Variants in CCSER2 observed in about 807,000 individuals in gnomAD.
CCSER2 encodes serine-rich coiled-coil domain-containing protein 2.
CCSER2 carries 46 observed loss-of-function variants against 92.3 expected under a neutral mutation model. The observed-to-expected ratio is 0.50, with a 90% CI of 0.39 to 0.64. The LOEUF is 0.64. CCSER2 is among the 30% of genes least tolerant of loss of function. The pLI is 0.00. For synonymous variants in CCSER2, 433 were observed against 431.4 expected, an observed-to-expected ratio of 1.00 and a Z score of -0.04; for missense variants, 1,244 against 1,238.9, an observed-to-expected ratio of 1.00 and a Z score of -0.06.
Position 84,511,436 on chromosome 10 carries a change from T to C in CCSER2, c.2326-2013T>C, listed in dbSNP as rs141539429. ...ATAATCAGTTTATTACCTGTCTTAA[T>C]TGAAAAATCATCTTTTTATGCTTTT... On this transcript the variant is annotated intron_variant, in intron 9 of 9. Transcript: ENST00000372088. 2.5e-3 allele frequency among the ~76,000 whole-genome samples: 385 copies of C among 152,334 alleles called. 2 individuals are homozygous for C. Among genetic ancestry groups the C allele is most frequent in the African/African-American group, 8.5e-3 (353 of 41,568 alleles).
intron 1 of CCSER2, among the ~76,000 whole-genome samples, chr10:84,333,132 A>G (rs1057283969): frequency 3.3e-5 from 5 of 152,170 alleles, no homozygotes; most frequent in African/African-American, 9.7e-5. Flanking sequence ...TATGACAGCA[A>G]TATATTGGTT....
intron 8 of CCSER2, among the ~76,000 whole-genome samples, chr10:84,475,143 T>C (rs1847062160): frequency 6.6e-6 from 1 of 152,182 alleles, no homozygotes; most frequent in Non-Finnish European, 1.5e-5. Context: ...CCCTAGACTT[T>C]CCTGTTTGAT....
At chr10:84,490,690 CT>C (rs1848106703) in intron 9 of CCSER2, among the ~76,000 whole-genome samples, 1 of 152,152 alleles carries the variant, frequency 6.6e-6, no homozygotes, top group Admixed American at 6.5e-5. Flanking sequence ...TTCGAACTTC[CT>C]CCTTTAGTTT....
At chr10:84,438,829 T>C in intron 6 of CCSER2, 122 bp downstream of exon 6, 4 of 624,694 alleles carry the variant, frequency 6.4e-6, no homozygotes, top group Middle Eastern at 3.2e-4. Context: ...TGTAGAATAA[T>C]GCTTGTAAAT....
At chr10:84,429,197 A>T (rs1008757403) in intron 5 of CCSER2, among the ~76,000 whole-genome samples, 8 of 152,046 alleles carry the variant, frequency 5.3e-5, no homozygotes, top group African/African-American at 1.9e-4. Flanking sequence ...AGTATTGACC[A>T]GTGGAGTTAT....
chr10:84,403,516 A>G (rs941314172), intron 3 of CCSER2, among the ~76,000 whole-genome samples: 4 of 152,246 alleles, frequency 2.6e-5, no homozygotes, highest in African/African-American at 9.6e-5. Context: ...TGGGAGAAGA[A>G]CTTTGCAAAC....
At chr10:84,342,376 G>A (rs114636413) in intron 1 of CCSER2, among the ~76,000 whole-genome samples, 7,038 of 152,076 alleles carry the variant, frequency 0.046, 236 homozygotes, top group Non-Finnish European at 0.062. Context: ...AATCTCTTTC[G>A]GGTCCTCATT....
intron 3 of CCSER2, among the ~76,000 whole-genome samples, chr10:84,398,866 CT>C (rs1487103293): frequency 1.3e-5 from 2 of 151,936 alleles, no homozygotes. Flanking sequence ...GTTCTGTTTT[CT>C]TGGTCTGGGA....
At chr10:84,461,119 G>C (rs965382029) in intron 6 of CCSER2, among the ~76,000 whole-genome samples, 1 of 151,986 alleles carries the variant, frequency 6.6e-6, no homozygotes, top group Non-Finnish European at 1.5e-5. Context: ...TTGGTATGTG[G>C]TGTCTGTTAT....
At chr10:84,393,186 G>A (rs575045903) in intron 3 of CCSER2, among the ~76,000 whole-genome samples, 9 of 152,180 alleles carry the variant, frequency 5.9e-5, no homozygotes, top group African/African-American at 9.6e-5. Context: ...GGATCTGTTA[G>A]GAATAAGATT....
chr10:84,370,390 A>G (rs1845999627), intron 1 of CCSER2, among the ~76,000 whole-genome samples: 1 of 151,816 alleles, frequency 6.6e-6, no homozygotes, highest in African/African-American at 2.4e-5. Flanking sequence ...ATTTTTTTGC[A>G]GCTATGGTCA....
chr10:84,402,155 G>A (rs918380973), intron 3 of CCSER2, among the ~76,000 whole-genome samples: 1 of 151,998 alleles, frequency 6.6e-6, no homozygotes, highest in Non-Finnish European at 1.5e-5. Flanking sequence ...TTAAATTTTC[G>A]CATTGTGTGT....
At chr10:84,392,597 GAACT>G (rs1841587976) in intron 3 of CCSER2, among the ~76,000 whole-genome samples, 1 of 151,864 alleles carries the variant, frequency 6.6e-6, no homozygotes, top group Admixed American at 6.6e-5. Context: ...TGCACAAACA[GAACT>G]AATATAGTTA....
intron 6 of CCSER2, among the ~76,000 whole-genome samples, chr10:84,457,523 TA>T (rs1373540539): frequency 8.4e-6 from 1 of 119,076 alleles, no homozygotes; most frequent in Admixed American, 1.1e-4. Context: ...TATTTATATA[TA>T]ATATATGTAT....
rs569550411 is a variant in CCSER2, at chr10:84,480,362, T to G, written c.2325+2698T>G. ...TAAATTACTGAGAAAAAAGTATTTT[T>G]GGTTGAAAAGGCATAGTTTCAGTAA... On this transcript the variant is annotated intron_variant, in intron 9 of 9. Coordinates refer to ENST00000372088, the MANE Select transcript of CCSER2 (RefSeq NM_001284240.2). 8.4e-4 allele frequency among the ~76,000 whole-genome samples: 128 copies of G among 152,328 alleles called. 4 individuals carry two copies. The South Asian group carries it at 0.026, about 31-fold the overall frequency.
intron 1 of CCSER2, among the ~76,000 whole-genome samples, chr10:84,334,426 A>C (rs1430560140): frequency 6.6e-6 from 1 of 151,980 alleles, no homozygotes; most frequent in African/African-American, 2.4e-5. Context: ...GTAATTTCTG[A>C]GTTTTTAGCT....
intron 1 of CCSER2, among the ~76,000 whole-genome samples, chr10:84,345,344 A>G (rs954322747): frequency 1.3e-5 from 2 of 152,232 alleles, no homozygotes; most frequent in Admixed American, 6.5e-5. Flanking sequence ...AGTAAGAAAC[A>G]TTGTATTTTC....
At chr10:84,484,808 C>A (rs1026221836) in intron 9 of CCSER2, among the ~76,000 whole-genome samples, 2 of 152,000 alleles carry the variant, frequency 1.3e-5, no homozygotes, top group Non-Finnish European at 2.9e-5. Context: ...CACAAGAATT[C>A]TTTTATGTTT....
intron 7 of CCSER2, among the ~76,000 whole-genome samples, chr10:84,466,506 T>G (rs1403536909): frequency 6.7e-6 from 1 of 149,422 alleles, no homozygotes; most frequent in East Asian, 1.9e-4. Context: ...TTTGTTTTTT[T>G]GGTTTTTTTT....
Sources: allele counts gnomAD v4.1 joint callset (sites outside exome capture counted in the v4.1 genomes callset), GRCh38; gene constraint gnomAD v4.1.1; transcripts MANE v1.5; gene names NCBI Gene and HGNC (gene_info 2026-07-23, HGNC 2026-07-21).